SSH2: variants seen among roughly 807,000 people sequenced by gnomAD.
SSH2 encodes slingshot protein phosphatase 2.
In SSH2, 37 loss-of-function variants were observed where a neutral mutation model predicts 135.2. The observed-to-expected ratio is 0.27, with a 90% CI of 0.21 to 0.36. SSH2 has a LOEUF of 0.36. Ranked by LOEUF, SSH2 falls within the 10% of genes least tolerant of loss-of-function variation. The probability of loss-of-function intolerance (pLI) is 1.00; values close to 1 mark genes in which losing one functional copy is unlikely to be tolerated. For missense variants in SSH2, 1,408 were observed against 1,765.3 expected (o/e 0.80, Z 3.63); for synonymous variants, 628 against 646.2 (o/e 0.97, Z 0.43).
chr17:29,746,637 T>C (rs1194801065), intron 3 of SSH2, among the ~76,000 whole-genome samples: 1 of 150,820 alleles, frequency 6.6e-6, no homozygotes, highest in African/African-American at 2.4e-5. Context: ...GAACTGTGTA[T>C]ATTAACATTA....
At chr17:29,882,179 C>G (rs1289015780) in intron 1 of SSH2, among the ~76,000 whole-genome samples, 7 of 152,298 alleles carry the variant, frequency 4.6e-5, no homozygotes, top group Middle Eastern at 3.4e-3. Flanking sequence ...GAGCATATTA[C>G]TGATGGAAGT....
At chr17:29,813,633 C>A (rs189566117) in intron 2 of SSH2, among the ~76,000 whole-genome samples, 220 of 150,754 alleles carry the variant, frequency 1.5e-3, no homozygotes, top group Middle Eastern at 3.5e-3. Context: ...GCCTGGCCAA[C>A]ATGGTGAAAC....
chr17:29,731,541 C>T (rs538316961), intron 3 of SSH2, among the ~76,000 whole-genome samples: 4 of 151,938 alleles, frequency 2.6e-5, no homozygotes, highest in South Asian at 4.2e-4. Flanking sequence ...CTACAACCTC[C>T]GCCTCCCAGG....
intron 3 of SSH2, among the ~76,000 whole-genome samples, chr17:29,781,436 A>G (rs1434970459): frequency 4.1e-5 from 6 of 146,546 alleles, no homozygotes; most frequent in South Asian, 2.2e-4. Flanking sequence ...CTGAGAAACC[A>G]TCTCTTATAT....
chr17:29,867,591 A>G (rs1322394324), intron 1 of SSH2, among the ~76,000 whole-genome samples: 5 of 152,202 alleles, frequency 3.3e-5, no homozygotes. Flanking sequence ...TATTTTAGAG[A>G]AACTAAGCAA....
chr17:29,841,118 A>C (rs1035800818), intron 2 of SSH2, among the ~76,000 whole-genome samples: 2 of 152,176 alleles, frequency 1.3e-5, no homozygotes, highest in African/African-American at 4.8e-5. Flanking sequence ...GACTGAAAGG[A>C]GCAAGGAGGG....
chr17:29,914,558 G>GAA (rs1228741515), intron 1 of SSH2, among the ~76,000 whole-genome samples: 7 of 78,058 alleles, frequency 9.0e-5, no homozygotes, highest in Non-Finnish European at 1.1e-4. Flanking sequence ...GACCCTGTCT[G>GAA]AAAAAAAAAA....
At chr17:29,843,139 T>C (rs1403086524) in intron 2 of SSH2, among the ~76,000 whole-genome samples, 6 of 152,208 alleles carry the variant, frequency 3.9e-5, no homozygotes, top group Non-Finnish European at 8.8e-5. Flanking sequence ...TTAAACACCA[T>C]CCCCACCTTC....
At chr17:29,735,565 T>A (rs1306072105) in intron 3 of SSH2, among the ~76,000 whole-genome samples, 1 of 151,446 alleles carries the variant, frequency 6.6e-6, no homozygotes, top group Non-Finnish European at 1.5e-5. Flanking sequence ...GGCATGGTGG[T>A]GCATGCCAGT....
At chr17:29,680,965 T>C (rs1206069100) in intron 6 of SSH2, among the ~76,000 whole-genome samples, 2 of 152,038 alleles carry the variant, frequency 1.3e-5, no homozygotes, top group East Asian at 3.8e-4. Context: ...CAGATTTTGG[T>C]TAACCTTTGG....
rs2042792262 is a variant in SSH2 at position 29,829,015 on chromosome 17, A to C, written c.144+19834T>G. On this transcript the variant is annotated intron_variant, in intron 2 of 15. Transcript: ENST00000540801. ...TATACATGTTTCTGTACCATTTGAG[A>C]CTAGAGTCCTAAAGTCCATTAGTGT... Among the ~76,000 whole-genome samples the C allele has an allele frequency of 2.0e-5, 3 of 152,158 alleles. No individual in the cohort carries two copies. The South Asian group carries it at 6.2e-4, about 32-fold the overall frequency.
In SSH2 at chr17:29,808,264, G is replaced by A. The variant is rs936132128; in HGVS notation, c.145-14327C>T. 2.0e-5 allele frequency among the ~76,000 whole-genome samples: 3 copies of A among 152,188 alleles called. No homozygotes were observed. In the East Asian group the frequency reaches 5.8e-4, roughly 29 times the overall value. ...CTGCCTCAGCCTTCTGAGTAACAGG[G>A]ATTACAGGCGCCCGCCATCACGCCT... On this transcript the variant is annotated intron_variant, in intron 2 of 15. Coordinates refer to ENST00000540801, the MANE Select transcript of SSH2 (RefSeq NM_001282129.2).
At chr17:29,725,138 G>A (rs755537140) in intron 3 of SSH2, among the ~76,000 whole-genome samples, 9 of 151,332 alleles carry the variant, frequency 5.9e-5, no homozygotes, top group Non-Finnish European at 1.2e-4. Flanking sequence ...ACGAGGTTAG[G>A]AGATCGAGAC....
chr17:29,783,926 C>T (rs193196475), intron 3 of SSH2, among the ~76,000 whole-genome samples: 2 of 149,140 alleles, frequency 1.3e-5, no homozygotes, highest in East Asian at 2.0e-4. Context: ...ATTAGCCGGG[C>T]GTAGTGGCGG....
At chr17:29,768,289 A>ATTTTTT (rs545565554) in intron 3 of SSH2, among the ~76,000 whole-genome samples, 1 of 139,812 alleles carries the variant, frequency 7.2e-6, no homozygotes, top group Admixed American at 7.2e-5. Flanking sequence ...ATAAATGTAA[A>ATTTTTT]TTTTTTTTTT....
At chr17:29,815,423 CT>C (rs2042540645) in intron 2 of SSH2, among the ~76,000 whole-genome samples, 1 of 151,984 alleles carries the variant, frequency 6.6e-6, no homozygotes, top group Admixed American at 6.6e-5. Flanking sequence ...TGCCTGGCCC[CT>C]ATTTTTTGTA....
intron 5 of SSH2, among the ~76,000 whole-genome samples, chr17:29,694,907 C>A (rs1263051412): frequency 2.6e-5 from 4 of 152,122 alleles, no homozygotes; most frequent in Admixed American, 2.6e-4. Flanking sequence ...GCATTTTGCA[C>A]TATGCAGTAT....
chr17:29,745,060 T>C (rs1235438668), intron 3 of SSH2, among the ~76,000 whole-genome samples: 1 of 152,120 alleles, frequency 6.6e-6, no homozygotes, highest in Non-Finnish European at 1.5e-5. Flanking sequence ...CTATGTAAAA[T>C]CTGCAAACAC....
At chr17:29,793,964 A>T (rs1172886714) in intron 2 of SSH2, 27 bp from the exon 3 acceptor site, 2 of 1,581,576 alleles carry the variant, frequency 1.3e-6, no homozygotes, top group African/African-American at 2.7e-5. Flanking sequence ...TGAAAAAAAA[A>T]ATTAAAACCT....
Sources: gnomAD v4.1 joint callset for allele counts (sites outside exome capture counted in the v4.1 genomes callset) on GRCh38, gnomAD v4.1.1 for gene constraint, MANE v1.5 for transcripts, NCBI Gene and HGNC (gene_info 2026-07-23, HGNC 2026-07-21) for gene names.